Variants in TMTC2 observed in about 807,000 individuals in gnomAD.
The protein encoded by TMTC2 is transmembrane O-mannosyltransferase targeting cadherins 2.
In TMTC2, 43 loss-of-function variants were observed where a neutral mutation model predicts 82.4. That is an observed-to-expected ratio of 0.52 (90% CI 0.41 to 0.67). The LOEUF (loss-of-function observed/expected upper bound fraction) is 0.67, where lower values mean the gene tolerates loss of function less well. Among genes scored for constraint, TMTC2 ranks in the 30% least tolerant of loss-of-function variants. TMTC2 has a pLI of 0.00. For synonymous variants in TMTC2, 408 were observed against 381.9 expected (o/e 1.07, Z -0.80); for missense variants, 919 against 1,012.4 (o/e 0.91, Z 1.25).
At chr12:82,862,561 G>T (rs984763524) in intron 2 of TMTC2, among the ~76,000 whole-genome samples, 6 of 152,116 alleles carry the variant, frequency 3.9e-5, no homozygotes. Flanking sequence ...TATGTAGTTG[G>T]TTCCAAGATG....
chr12:83,107,494 C>G (rs910364369), intron 11 of TMTC2, among the ~76,000 whole-genome samples: 1 of 152,144 alleles, frequency 6.6e-6, no homozygotes, highest in African/African-American at 2.4e-5. Flanking sequence ...CCATTAATCC[C>G]CTCATGGGAG....
intron 11 of TMTC2, among the ~76,000 whole-genome samples, chr12:83,063,807 C>T (rs1882824285): frequency 1.3e-5 from 2 of 151,814 alleles, no homozygotes; most frequent in South Asian, 4.1e-4. Flanking sequence ...ACAATCTAGT[C>T]TGAGGAGAAG....
At chr12:82,737,272 A>T (rs1364649550) in intron 1 of TMTC2, among the ~76,000 whole-genome samples, 1 of 152,228 alleles carries the variant, frequency 6.6e-6, no homozygotes, top group Non-Finnish European at 1.5e-5. Flanking sequence ...TAGCCAAATG[A>T]TTAATTCCAT....
intron 1 of TMTC2, among the ~76,000 whole-genome samples, chr12:82,795,311 CAAAAA>C (rs35485888): frequency 0.021 from 2,006 of 94,882 alleles, 48 homozygotes; most frequent in African/African-American, 0.078. Flanking sequence ...GATTCCATCT[CAAAAA>C]AAAAAAAAAA....
intron 1 of TMTC2, among the ~76,000 whole-genome samples, chr12:82,714,419 G>C (rs1051139018): frequency 6.6e-5 from 10 of 152,152 alleles, no homozygotes; most frequent in Non-Finnish European, 2.9e-5. Context: ...CTTAAATGTA[G>C]TAGAGTGCTT....
At chr12:83,080,850 T>G (rs1357819821) in intron 11 of TMTC2, among the ~76,000 whole-genome samples, 1 of 152,200 alleles carries the variant, frequency 6.6e-6, no homozygotes, top group Non-Finnish European at 1.5e-5. Flanking sequence ...CCCTTGAATA[T>G]ATGCCTATAA....
chr12:82,942,151 GA>G (rs571928312), intron 4 of TMTC2, among the ~76,000 whole-genome samples: 31 of 152,074 alleles, frequency 2.0e-4, no homozygotes, highest in Non-Finnish European at 4.0e-4. Context: ...AATACACATT[GA>G]AAACATATTT....
intron 8 of TMTC2, 123 bp from the exon 9 acceptor site, chr12:83,030,675 A>ATTTTTT: frequency 1.5e-6 from 1 of 652,362 alleles, no homozygotes. Context: ...TAAAAACAAA[A>ATTTTTT]ATTTTTTTTT....
chr12:82,714,588 C>T (rs1370538650), intron 1 of TMTC2, among the ~76,000 whole-genome samples: 2 of 152,140 alleles, frequency 1.3e-5, no homozygotes, highest in African/African-American at 2.4e-5. Context: ...CTGGAACCTG[C>T]TGTTCCTGAT....
chr12:82,844,904 G>A (rs1472447506), intron 1 of TMTC2, among the ~76,000 whole-genome samples: 8 of 151,578 alleles, frequency 5.3e-5, no homozygotes, highest in Non-Finnish European at 1.2e-4. Flanking sequence ...ATCCCTTGAA[G>A]TCAAACAGTA....
intron 11 of TMTC2, among the ~76,000 whole-genome samples, chr12:83,114,361 GA>G (rs1408057214): frequency 2.6e-5 from 4 of 152,154 alleles, no homozygotes; most frequent in Non-Finnish European, 1.5e-5. Context: ...TCCTCACCAA[GA>G]ACCAGGCTAT....
intron 1 of TMTC2, among the ~76,000 whole-genome samples, chr12:82,752,359 G>A (rs1419137291): frequency 1.4e-4 from 22 of 151,960 alleles, no homozygotes; most frequent in African/African-American, 3.1e-4. Context: ...GGTGGCTGGC[G>A]CTTGTAATCC....
intron 11 of TMTC2, among the ~76,000 whole-genome samples, chr12:83,092,168 C>T (rs1248213657): frequency 2.6e-5 from 4 of 152,174 alleles, no homozygotes; most frequent in African/African-American, 4.8e-5. Flanking sequence ...TCCTGGCCTC[C>T]AGGATGCCAT....
chr12:82,860,314 C>T (rs1009780062), intron 2 of TMTC2, among the ~76,000 whole-genome samples: 1 of 152,166 alleles, frequency 6.6e-6, no homozygotes, highest in Non-Finnish European at 1.5e-5. Flanking sequence ...ATCTTTGCCA[C>T]TCTCTTCATT....
intron 1 of TMTC2, among the ~76,000 whole-genome samples, chr12:82,802,331 T>A (rs546782220): frequency 1.8e-3 from 268 of 152,260 alleles, no homozygotes; most frequent in African/African-American, 6.4e-3. Flanking sequence ...TGCCTCTCCC[T>A]CCACACCTCC....
intron 3 of TMTC2, among the ~76,000 whole-genome samples, chr12:82,916,895 TTGTGA>T (rs1467931656): frequency 6.6e-6 from 1 of 152,238 alleles, no homozygotes; most frequent in African/African-American, 2.4e-5. Context: ...AGGATATGTG[TTGTGA>T]TAACATATGA....
chr12:82,935,290 C>T (rs1412347184), intron 4 of TMTC2, among the ~76,000 whole-genome samples: 1 of 152,070 alleles, frequency 6.6e-6, no homozygotes, highest in African/African-American at 2.4e-5. Context: ...ATTTAAACAG[C>T]ACTTAATTCT....
At chr12:82,821,317 C>T (rs991479862) in intron 1 of TMTC2, among the ~76,000 whole-genome samples, 5 of 152,166 alleles carry the variant, frequency 3.3e-5, no homozygotes, top group Non-Finnish European at 7.4e-5. Context: ...CCTGGCCTAA[C>T]CTTCTTTCTT....
chr12:83,034,377 C>G (rs1200634353), intron 9 of TMTC2, among the ~76,000 whole-genome samples: 1 of 152,014 alleles, frequency 6.6e-6, no homozygotes. Context: ...AAAAAAAAAC[C>G]TAATGTGACT....
Sources: allele counts gnomAD v4.1 joint callset (sites outside exome capture counted in the v4.1 genomes callset), GRCh38; gene constraint gnomAD v4.1.1; transcripts MANE v1.5; gene names NCBI Gene and HGNC (gene_info 2026-07-23, HGNC 2026-07-21).